C1orf21: variants seen among roughly 807,000 people sequenced by gnomAD.
C1orf21 encodes the protein chromosome 1 open reading frame 21.
A neutral mutation model predicts 18.7 loss-of-function variants in C1orf21; 3 were observed. The observed-to-expected ratio is 0.16, with a 90% confidence interval of 0.07 to 0.42. C1orf21 has a LOEUF of 0.42. C1orf21 is among the 10% of genes least tolerant of loss of function. C1orf21 has a pLI of 0.99. For synonymous variants in C1orf21, 41 were observed against 46.4 expected, an observed-to-expected ratio of 0.88 and a Z score of 0.47; for missense variants, 104 against 143.6, an observed-to-expected ratio of 0.72 and a Z score of 1.41.
At chr1:184,580,768 A>G (rs1659264293) in intron 3 of C1orf21, among the ~76,000 whole-genome samples, 1 of 152,202 alleles carries the variant, frequency 6.6e-6, no homozygotes, top group South Asian at 2.1e-4. Context: ...CTGTTTTCAA[A>G]CTGATATCTT....
At chr1:184,436,226 T>C (rs1258635524) in intron 1 of C1orf21, among the ~76,000 whole-genome samples, 1 of 151,958 alleles carries the variant, frequency 6.6e-6, no homozygotes, top group African/African-American at 2.4e-5. Flanking sequence ...GAAGGTAGGA[T>C]ATATGGGATA....
At chr1:184,586,677 CAT>C (rs1374640204) in intron 3 of C1orf21, among the ~76,000 whole-genome samples, 1 of 152,060 alleles carries the variant, frequency 6.6e-6, no homozygotes, top group Non-Finnish European at 1.5e-5. Flanking sequence ...TTGTCAAATG[CAT>C]AGTTTGCAAA....
Position 184,624,554 on chromosome 1 carries a change from C to G in C1orf21, c.*4998C>G, listed in dbSNP as rs1659976117. 6.6e-6 allele frequency: 1 copy of G among 152,124 alleles called. No individual in the cohort carries two copies. Among genetic ancestry groups the G allele is most frequent in the Admixed American group, 6.5e-5 (1 of 15,282 alleles). The allele number at this position is 152,124 out of a possible 1,614,324, so 9.4% of individuals were successfully genotyped here. On this transcript the variant is annotated 3_prime_UTR_variant, in exon 6 of 6. Coordinates refer to ENST00000235307, the MANE Select transcript of C1orf21 (RefSeq NM_030806.4). ...TCTTGACCTTCATGGGGGTCTGGGA[C>G]AATCCGATCTCCAAGCATGGAGGAA...
chr1:184,590,999 A>G (rs903310680), intron 4 of C1orf21, among the ~76,000 whole-genome samples, 184 bp downstream of exon 4: 1 of 152,210 alleles, frequency 6.6e-6, no homozygotes, highest in Admixed American at 6.5e-5. Context: ...GAATGAAGTG[A>G]TGTGTAGGCA....
intron 3 of C1orf21, among the ~76,000 whole-genome samples, chr1:184,569,892 G>A (rs1659085927): frequency 6.6e-6 from 1 of 152,212 alleles, no homozygotes; most frequent in Non-Finnish European, 1.5e-5. Context: ...TATGTCCTAA[G>A]CCAAAGCCTA....
chr1:184,395,216 T>C (rs1017639620), intron 1 of C1orf21, among the ~76,000 whole-genome samples: 5 of 152,166 alleles, frequency 3.3e-5, no homozygotes, highest in African/African-American at 7.2e-5. Context: ...CAGCCAAATG[T>C]AAACCCTTCT....
At chr1:184,444,527 T>A (rs952580324) in intron 1 of C1orf21, among the ~76,000 whole-genome samples, 1 of 152,090 alleles carries the variant, frequency 6.6e-6, no homozygotes, top group East Asian at 1.9e-4. Flanking sequence ...TGTGGAACTG[T>A]TAAGTCCAAT....
intron 5 of C1orf21, among the ~76,000 whole-genome samples, 188 bp downstream of exon 5, chr1:184,598,649 C>T (rs939737143): frequency 2.6e-5 from 4 of 152,156 alleles, no homozygotes; most frequent in Non-Finnish European, 5.9e-5. Context: ...GTATAATAGA[C>T]ACTCCCAGGA....
chr1:184,579,062 C>T (rs936430039), intron 3 of C1orf21, among the ~76,000 whole-genome samples: 2 of 144,548 alleles, frequency 1.4e-5, no homozygotes, highest in African/African-American at 5.1e-5. Flanking sequence ...TTTTTTGAGA[C>T]AGAGTCACTC....
chr1:184,513,194 T>A (rs966427855), intron 3 of C1orf21, among the ~76,000 whole-genome samples: 1 of 152,144 alleles, frequency 6.6e-6, no homozygotes, highest in Non-Finnish European at 1.5e-5. Context: ...TAGAAGAAAT[T>A]ATGTGAGAAT....
At chr1:184,402,577 A>G (rs1656173713) in intron 1 of C1orf21, among the ~76,000 whole-genome samples, 2 of 150,826 alleles carry the variant, frequency 1.3e-5, no homozygotes, top group Non-Finnish European at 2.9e-5. Flanking sequence ...TGATTGTGCC[A>G]CTGCACTCCA....
chr1:184,527,160 C>T (rs564471242), intron 3 of C1orf21, among the ~76,000 whole-genome samples: 1 of 152,324 alleles, frequency 6.6e-6, no homozygotes, highest in South Asian at 2.1e-4. Context: ...ATCCTTTGTA[C>T]TTAGCAAATG....
chr1:184,428,488 A>G (rs1008150338), intron 1 of C1orf21, among the ~76,000 whole-genome samples: 1 of 152,192 alleles, frequency 6.6e-6, no homozygotes, highest in Non-Finnish European at 1.5e-5. Flanking sequence ...GGAGAGAGAA[A>G]GAACATGAAG....
intron 1 of C1orf21, among the ~76,000 whole-genome samples, chr1:184,446,758 A>T (rs1657035995): frequency 6.6e-6 from 1 of 151,652 alleles, no homozygotes; most frequent in Non-Finnish European, 1.5e-5. Context: ...CACTGGGGGA[A>T]GTTGAACACT....
chr1:184,582,262 C>T (rs551919060), intron 3 of C1orf21, among the ~76,000 whole-genome samples: 15 of 152,322 alleles, frequency 9.8e-5, no homozygotes, highest in African/African-American at 3.6e-4. Context: ...GTTACTCCCC[C>T]AAAGCTAGCA....
chr1:184,490,773 A>T (rs1657805380), intron 2 of C1orf21, among the ~76,000 whole-genome samples: 1 of 152,192 alleles, frequency 6.6e-6, no homozygotes, highest in Non-Finnish European at 1.5e-5. Flanking sequence ...ATGAACCCTG[A>T]GTAATAATGC....
intron 1 of C1orf21, among the ~76,000 whole-genome samples, chr1:184,470,368 GA>G (rs34678440): frequency 1.3e-5 from 2 of 151,508 alleles, no homozygotes; most frequent in Non-Finnish European, 2.9e-5. Flanking sequence ...AAACAGTCCA[GA>G]AAAAAAAGGG....
intron 2 of C1orf21, among the ~76,000 whole-genome samples, chr1:184,484,338 C>T (rs1009055849): frequency 4.6e-5 from 7 of 152,166 alleles, no homozygotes; most frequent in Non-Finnish European, 1.0e-4. Context: ...CTGCTTGGCA[C>T]GGGCCCGTTT....
chr1:184,426,579 A>C (rs1356543765), intron 1 of C1orf21, among the ~76,000 whole-genome samples: 2 of 152,140 alleles, frequency 1.3e-5, no homozygotes, highest in Non-Finnish European at 2.9e-5. Context: ...TTTCTTCTTG[A>C]AACGGTCTTC....
Sources: gnomAD v4.1 joint callset for allele counts (sites outside exome capture counted in the v4.1 genomes callset) on GRCh38, gnomAD v4.1.1 for gene constraint, MANE v1.5 for transcripts, NCBI Gene and HGNC (gene_info 2026-07-23, HGNC 2026-07-21) for gene names.